RAD54B: variants seen among roughly 807,000 people sequenced by gnomAD.
RAD54B encodes the protein RAD54 homolog B, also known as DNA repair and recombination protein RAD54B.
Under a neutral mutation model 95.8 loss-of-function variants are expected in RAD54B, and 78 were observed. The ratio of observed to expected loss-of-function variants is 0.81; its 90% CI spans 0.68 to 0.98. The LOEUF (loss-of-function observed/expected upper bound fraction) is 0.98, where lower values mean the gene tolerates loss of function less well. Among genes scored for constraint, RAD54B ranks in the 50% least tolerant of loss-of-function variants. RAD54B has a pLI of 0.00. For synonymous variants in RAD54B, 328 were observed against 354.9 expected (o/e 0.92, Z 0.85); for missense variants, 957 against 1,056.6 (o/e 0.91, Z 1.31).
chr8:94,472,089 G>A (rs1056793756), intron 1 of RAD54B, among the ~76,000 whole-genome samples: 1 of 152,030 alleles, frequency 6.6e-6, no homozygotes, highest in Non-Finnish European at 1.5e-5. Context: ...GGAATGAGTA[G>A]GAGAGATCAC....
chr8:94,420,945 G>A (rs185297548), intron 3 of RAD54B, among the ~76,000 whole-genome samples: 3 of 149,740 alleles, frequency 2.0e-5, no homozygotes, highest in South Asian at 4.2e-4. Context: ...AGATCACACC[G>A]CTGCACTCCA....
Position 94,372,299 on chromosome 8 carries a change from C to A in RAD54B, c.2604G>T (p.Met868Ile). ...AATGTTTCCATTGCTTCAGCTGGGA[C>A]ATAGAAAGAGGTTTCAGGGAGTTAG... ...QKSNSLKPLS[M>I]SQLKQWKHFS... is the part of the protein sequence containing the mutation. The change falls in exon 15 of 15, where the codon ATG becomes ATT. Residue 868 changes from methionine (M) to isoleucine (I), a missense_variant. Met to Ile is a conservative substitution (Grantham distance 10). Transcript: ENST00000336148. 6.2e-7 allele frequency: 1 copy of A among 1,613,754 alleles called. No homozygotes were observed. Among genetic ancestry groups the A allele is most frequent in the Non-Finnish European group, 8.5e-7 (1 of 1,179,882 alleles).
At chr8:94,431,252 T>C (rs998703596) in intron 3 of RAD54B, 1 of 965,844 alleles carries the variant, frequency 1.0e-6, no homozygotes, top group Non-Finnish European at 1.2e-6. Flanking sequence ...AGAAATTTTT[T>C]CCAGAACAGG....
intron 3 of RAD54B, chr8:94,431,516 A>G: frequency 8.2e-6 from 8 of 979,656 alleles, no homozygotes; most frequent in Non-Finnish European, 9.7e-6. Context: ...AAATTACACA[A>G]AGAAAAACTA....
chr8:94,468,237 C>T (rs1462277336), intron 1 of RAD54B, among the ~76,000 whole-genome samples: 1 of 152,146 alleles, frequency 6.6e-6, no homozygotes, highest in Non-Finnish European at 1.5e-5. Context: ...AAAATAGTTA[C>T]ATGAAAGCCA....
At chr8:94,386,449 T>G (rs1358412020) in intron 11 of RAD54B, among the ~76,000 whole-genome samples, 1 of 152,074 alleles carries the variant, frequency 6.6e-6, no homozygotes, top group African/African-American at 2.4e-5. Context: ...AAAATAAAGA[T>G]GTAGAAATTA....
At chr8:94,427,487 T>C (rs1036552722) in intron 3 of RAD54B, among the ~76,000 whole-genome samples, 8 of 152,190 alleles carry the variant, frequency 5.3e-5, no homozygotes, top group Admixed American at 2.0e-4. Context: ...CTAATTACTT[T>C]TAAGTGTTTA....
intron 14 of RAD54B, among the ~76,000 whole-genome samples, chr8:94,374,596 C>T (rs944784326): frequency 4.0e-5 from 6 of 151,724 alleles, no homozygotes; most frequent in African/African-American, 1.5e-4. Context: ...AAAAGATAGA[C>T]CAGACAAACC....
chr8:94,436,856 C>G, intron 3 of RAD54B: 1 of 1,528,462 alleles, frequency 6.5e-7, no homozygotes, highest in Non-Finnish European at 8.8e-7. Flanking sequence ...GAAGATCTAG[C>G]CTTTCCTACC....
chr8:94,404,239 T>C lies in RAD54B; in HGVS notation c.782A>G (p.Asn261Ser). 1 of 1,580,382 alleles carries C rather than the reference T, an allele frequency of 6.3e-7. No individual in the cohort carries two copies. The highest frequency in any genetic ancestry group is 8.6e-7 in the Non-Finnish European group (1 of 1,167,950). ...CKPRHDPYTP[N>S]SLVMPRPDKN... is the part of the protein sequence containing the mutation. ...ATCTGGTCGTGGCATAACGAGGGAA[T>C]CTTAAAAAATGATAAAAGTACAAGT... The change falls in exon 6 of 15, where the codon AAT becomes AGT. Residue 261 changes from asparagine to serine, a missense_variant and splice_region_variant. By Grantham distance (46) the Asn-to-Ser change is conservative. Coordinates refer to ENST00000336148, the MANE Select transcript of RAD54B (RefSeq NM_012415.3).
At chr8:94,467,255 T>C in intron 2 of RAD54B, 150 bp downstream of exon 2, 4 of 697,042 alleles carry the variant, frequency 5.7e-6, no homozygotes, top group Non-Finnish European at 8.8e-6. Context: ...AAAAATTATG[T>C]AATCTTCATT....
intron 3 of RAD54B, chr8:94,428,826 C>T: frequency 1.0e-6 from 1 of 984,918 alleles, no homozygotes; most frequent in Non-Finnish European, 1.2e-6. Flanking sequence ...GGTAAGTAGT[C>T]CCCTAACTCA....
chr8:94,387,485 G>A (rs920022173), intron 10 of RAD54B: 5 of 183,520 alleles, frequency 2.7e-5, no homozygotes, highest in East Asian at 1.4e-4. Context: ...GGCAAATGGT[G>A]ATACAAAATC....
At chr8:94,434,226 AAT>A (rs1340088191) in intron 3 of RAD54B, among the ~76,000 whole-genome samples, 1 of 151,964 alleles carries the variant, frequency 6.6e-6, no homozygotes, top group Admixed American at 6.6e-5. Context: ...TAGTATGTAA[AAT>A]AGAGAGTATA....
chr8:94,437,576 T>G (rs1390593801), intron 3 of RAD54B, among the ~76,000 whole-genome samples: 1 of 152,188 alleles, frequency 6.6e-6, no homozygotes, highest in African/African-American at 2.4e-5. Flanking sequence ...GAAAAAATTT[T>G]TATAGAACAC....
intron 3 of RAD54B, among the ~76,000 whole-genome samples, chr8:94,444,403 TAATA>T (rs1458948018): frequency 5.4e-5 from 7 of 128,724 alleles, no homozygotes; most frequent in Admixed American, 1.7e-4. Flanking sequence ...GCAGAGGTTT[TAATA>T]GTTAAAAAAA....
intron 3 of RAD54B, among the ~76,000 whole-genome samples, chr8:94,441,625 G>C (rs1354603837): frequency 6.6e-6 from 1 of 152,150 alleles, no homozygotes; most frequent in Non-Finnish European, 1.5e-5. Context: ...TTTTAAGAAA[G>C]CTTCATTACA....
At chr8:94,466,423 G>GGC (rs1813025924) in intron 2 of RAD54B, among the ~76,000 whole-genome samples, 1 of 149,630 alleles carries the variant, frequency 6.7e-6, no homozygotes, top group Non-Finnish European at 1.5e-5. Flanking sequence ...TTTTTTTTTG[G>GGC]GGGGGACGGA....
At chr8:94,463,456 C>T (rs1166816252) in intron 2 of RAD54B, among the ~76,000 whole-genome samples, 2 of 151,918 alleles carry the variant, frequency 1.3e-5, no homozygotes. Context: ...AAATTAAAAC[C>T]TTCATACATT....
Sources: allele counts gnomAD v4.1 joint callset (sites outside exome capture counted in the v4.1 genomes callset), GRCh38; gene constraint gnomAD v4.1.1; transcripts MANE v1.5; gene names NCBI Gene and HGNC (gene_info 2026-07-23, HGNC 2026-07-21).